The following MUC3A variants were observed in gnomAD, a reference collection of about 807,000 sequenced individuals.
The protein encoded by MUC3A is mucin-3A.
A neutral mutation model predicts 109.0 loss-of-function variants in MUC3A; 109 were observed. The ratio of observed to expected loss-of-function variants is 1.00; its 90% CI spans 0.86 to 1.17. The LOEUF (loss-of-function observed/expected upper bound fraction) is 1.17, where lower values mean the gene tolerates loss of function less well. MUC3A is among the 50% of genes most tolerant of loss of function. The probability of loss-of-function intolerance (pLI) is 0.00; values close to 1 mark genes in which losing one functional copy is unlikely to be tolerated. For synonymous variants in MUC3A, 1,398 were observed against 981.4 expected, an observed-to-expected ratio of 1.42 and a Z score of -7.93; for missense variants, 3,537 against 2,469.4, an observed-to-expected ratio of 1.43 and a Z score of -9.16.
Position 100,952,717 on chromosome 7 carries a change from C to CACCA in MUC3A, c.938_939insACCA (p.Leu314ProfsTer21), listed in dbSNP as rs760420196. On this transcript the variant is annotated frameshift_variant, in exon 2 of 12. Transcript: ENST00000379458. LOFTEE classifies it high-confidence loss of function. The stretch of plus-strand genomic sequence containing the variant: ...ACCAGTGGTATCACAAACACCACCC[C>CACCA]CCTATCCACCTTGGTGACCACACTC... 1 of 1,492,570 alleles carries CACCA rather than the reference C, an allele frequency of 6.7e-7. No homozygotes were observed. The highest frequency in any genetic ancestry group is 2.1e-5 in the Admixed American group (1 of 47,722). The allele number at this position is 1,492,570 out of a possible 1,614,324, so 92.5% of individuals were successfully genotyped here. A position where few individuals can be genotyped will look rare whatever the true frequency, so the allele number is the denominator to read the frequency against.
Position 100,959,498 on chromosome 7 carries a change from A to G in MUC3A, c.7719A>G (p.Ile2573Met), listed in dbSNP as rs1281788924. The change falls in exon 2 of 12, where the codon ATA becomes ATG. Residue 2573 changes from isoleucine to methionine, a missense_variant. Transcript: ENST00000379458. ...CCTTTAGCACAAGTATTGTTGTTAT[A>G]CCTGAAACCCCAACACAGACCCCTC... ...ISSFSTSIVV[I>M]PETPTQTPPV... is the part of the protein sequence containing the mutation. 1.5e-5 allele frequency: 24 copies of G among 1,585,528 alleles called. No individual in the cohort carries two copies. The highest frequency in any genetic ancestry group is 2.2e-5 in the East Asian group (1 of 44,872).
rs1406030780 is a variant in MUC3A at position 100,957,127 on chromosome 7, G to A, written c.5348G>A (p.Gly1783Glu). The part of the protein sequence containing the change: ...VTSMTTTTPL[G>E]PTATNTLPSF... ...TCGATGACAACTACCACCCCTCTAG[G>A]GCCCACAGCCACTAATACGTTACCA... is the stretch of plus-strand genomic sequence containing the variant. Residue 1783 changes from glycine to glutamate, a missense_variant, in exon 2 of 12, where the codon GGG becomes GAG. Coordinates refer to ENST00000379458, the MANE Select transcript of MUC3A (RefSeq NM_005960.2). 2 of 434 alleles carry A rather than the reference G, an allele frequency of 4.6e-3. No individual in the cohort carries two copies. Among genetic ancestry groups the A allele is most frequent in the Non-Finnish European group, 6.5e-3 (2 of 310 alleles). The allele number at this position is 434 out of a possible 1,614,324, so 0.0% of individuals were successfully genotyped here. A position where few individuals can be genotyped will look rare whatever the true frequency, so the allele number is the denominator to read the frequency against.
chr7:100,959,159 C>T lies in MUC3A; in HGVS notation c.7380C>T (p.Thr2460=). 2.5e-6 allele frequency: 4 copies of T among 1,597,588 alleles called. No homozygotes were observed. The highest frequency in any genetic ancestry group is 3.4e-6 in the Non-Finnish European group (4 of 1,179,564). ...STVSTSTTAI[T]SHFTTSETAV... ...TCAGCACATCCACAACTGCCATCACCTCACATTTTACTACCTCAGAGACTG... is the reference window on the plus strand; with the variant it reads ...TCAGCACATCCACAACTGCCATCACTTCACATTTTACTACCTCAGAGACTG... The change falls in exon 2 of 12, where the codon ACC becomes ACT. Residue 2460 remains threonine, a synonymous_variant. Transcript: ENST00000379458.
chr7:100,955,769 C>A lies in MUC3A; in HGVS notation c.3990C>A (p.Phe1330Leu). Reference protein sequence around the residue: ...SALAPTTTTSFTTSPTMEPPS... With the variant: ...SALAPTTTTSLTTSPTMEPPS... Reference sequence around the variant, plus strand: ...TGGCACCCACTACCACCACCTCATTCACCACATCCCCAACGATGGAACCAC... The same window carrying A: ...TGGCACCCACTACCACCACCTCATTAACCACATCCCCAACGATGGAACCAC... The change falls in exon 2 of 12, where the codon TTC (phenylalanine) becomes TTA (leucine). Residue 1330 changes from phenylalanine to leucine, a missense_variant. Transcript: ENST00000379458. The A allele has an allele frequency of 2.4e-6, 1 of 423,942 alleles. No individual in the cohort carries two copies. The highest frequency in any genetic ancestry group is 3.5e-5 in the East Asian group (1 of 28,420). 26.3% of individuals were successfully genotyped at this position (423,942 alleles called of 1,614,324 possible). A position where few individuals can be genotyped will look rare whatever the true frequency, so the allele number is the denominator to read the frequency against.
At chr7:100,950,303 C>A (rs748639593) in intron 1 of MUC3A, among the ~76,000 whole-genome samples, 2 of 152,308 alleles carry the variant, frequency 1.3e-5, no homozygotes, top group Non-Finnish European at 2.9e-5. Context: ...TCCAAGGGTG[C>A]GTCTGAGACT....
rs565446903 is a variant in MUC3A at position 100,958,771 on chromosome 7, C to G, written c.6992C>G (p.Thr2331Ser). The change falls in exon 2 of 12, where the codon ACC becomes AGC. Residue 2331 changes from threonine to serine, a missense_variant. Physicochemically the swap from Thr to Ser is moderately conservative, Grantham distance 58. Coordinates refer to ENST00000379458, the MANE Select transcript of MUC3A (RefSeq NM_005960.2). ...AHSFTSSITT[T>S]ETTSHNTRSF... Reference sequence around the variant, plus strand: ...AGCTTCACTTCTTCGATCACCACCACCGAGACCACCTCACACAATACTCGC... The same window carrying G: ...AGCTTCACTTCTTCGATCACCACCAGCGAGACCACCTCACACAATACTCGC... 1 of 1,478,212 alleles carries G rather than the reference C, an allele frequency of 6.8e-7. No individual in the cohort carries two copies. The highest frequency in any genetic ancestry group is 9.1e-7 in the Non-Finnish European group (1 of 1,102,928). The allele number at this position is 1,478,212 out of a possible 1,614,324, so 91.6% of individuals were successfully genotyped here. A position where few individuals can be genotyped will look rare whatever the true frequency, so the allele number is the denominator to read the frequency against.
chr7:100,962,424 A>T (rs1314402288), intron 3 of MUC3A, among the ~76,000 whole-genome samples: 1 of 145,332 alleles, frequency 6.9e-6, no homozygotes, highest in African/African-American at 2.9e-5. Flanking sequence ...TCTCAACAAT[A>T]AAAAAAAGTT....
rs553559317 is a variant in MUC3A, at chr7:100,958,824, G to C, written c.7045G>C (p.Glu2349Gln). 1 of 1,393,636 alleles carries C rather than the reference G, an allele frequency of 7.2e-7. No homozygotes were observed. Among genetic ancestry groups the C allele is most frequent in the Non-Finnish European group, 9.3e-7 (1 of 1,070,590 alleles). 86.3% of individuals were successfully genotyped at this position (1,393,636 alleles called of 1,614,324 possible). The change falls in exon 2 of 12, where the codon GAG (glutamate) becomes CAG (glutamine). Residue 2349 changes from glutamate to glutamine, a missense_variant. Coordinates refer to ENST00000379458, the MANE Select transcript of MUC3A (RefSeq NM_005960.2). ...CTTCACTTCTTCGATCACCACCACCGAGACCAACTCTCACAGTACTACCAG... is the reference window on the plus strand; with the variant it reads ...CTTCACTTCTTCGATCACCACCACCCAGACCAACTCTCACAGTACTACCAG... ...RSFTSSITTT[E>Q]TNSHSTTSFT...
At position 100,958,689 on chromosome 7, in the gene MUC3A, A is replaced by C. The variant is rs750477060; in HGVS notation, c.6910A>C (p.Thr2304Pro). The change falls in exon 2 of 12, where the codon ACT becomes CCT. Residue 2304 changes from threonine to proline, a missense_variant. By Grantham distance (38) the Thr-to-Pro change is conservative. Transcript: ENST00000379458. ...CACCACCAAGACCACCTCACACAGT[A>C]CTCCCAGCTTCACTTCTTCGATCAC... ...ITTTKTTSHS[T>P]PSFTSSITTT... The C allele has an allele frequency of 5.3e-6, 7 of 1,330,626 alleles. No individual in the cohort carries two copies. The highest frequency in any genetic ancestry group is 3.2e-5 in the African/African-American group (1 of 31,032). 82.4% of individuals were successfully genotyped at this position (1,330,626 alleles called of 1,614,324 possible). A position where few individuals can be genotyped will look rare whatever the true frequency, so the allele number is the denominator to read the frequency against.
Position 100,957,054 on chromosome 7 carries a change from T to C in MUC3A, c.5275T>C (p.Ser1759Pro). The C allele has an allele frequency of 4.3e-6, 2 of 465,404 alleles. No individual in the cohort carries two copies. The highest frequency in any genetic ancestry group is 7.6e-6 in the Non-Finnish European group (2 of 264,630). The allele number at this position is 465,404 out of a possible 1,614,324, so 28.8% of individuals were successfully genotyped here. A position where few individuals can be genotyped will look rare whatever the true frequency, so the allele number is the denominator to read the frequency against. The stretch of plus-strand genomic sequence containing the variant: ...AGGATCTTTCAAAACAGCCGTGAGT[T>C]CTACTCCCCCCATCACTTCTTCAAT... Reference protein sequence around the residue: ...STGSFKTAVSSTPPITSSITS... With the variant: ...STGSFKTAVSPTPPITSSITS... The change falls in exon 2 of 12, where the codon TCT (serine) becomes CCT (proline). Residue 1759 changes from serine to proline, a missense_variant. Ser to Pro is a moderately conservative substitution (Grantham distance 74). Transcript: ENST00000379458.
Position 100,957,066 on chromosome 7 carries a change from A to G in MUC3A, c.5287A>G (p.Ile1763Val), listed in dbSNP as rs1792116299. 4.3e-6 allele frequency: 2 copies of G among 469,742 alleles called. No individual in the cohort carries two copies. The highest frequency in any genetic ancestry group is 3.7e-6 in the Non-Finnish European group (1 of 267,188). The allele number at this position is 469,742 out of a possible 1,614,324, so 29.1% of individuals were successfully genotyped here. ...AACAGCCGTGAGTTCTACTCCCCCC[A>G]TCACTTCTTCAATCACCTCCACATA... is the stretch of plus-strand genomic sequence containing the variant. ...FKTAVSSTPP[I>V]TSSITSTYTV... The change falls in exon 2 of 12, where the codon ATC becomes GTC. Residue 1763 changes from isoleucine to valine, a missense_variant. Physicochemically the swap from Ile to Val is conservative, Grantham distance 29 (BLOSUM62 3). Transcript: ENST00000379458.
chr7:100,964,279 A>AAATAAT, intron 5 of MUC3A: 3 of 153,172 alleles, frequency 2.0e-5, no homozygotes, highest in Non-Finnish European at 4.2e-5. Context: ...ACAACAGTAA[A>AAATAAT]AATAGTAATA....
chr7:100,960,885 C>A lies in MUC3A; in HGVS notation c.9000C>A (p.Pro3000=). ...GQWDGLKCQC[P]STFYGSSCEF... The stretch of plus-strand genomic sequence containing the variant: ...GGGATGGCCTCAAATGCCAGTGCCC[C>A]AGCACCTTCTATGGTTCCAGTTGTG... The change falls in exon 3 of 12, where the codon CCC becomes CCA. Residue 3000 remains proline (P), a synonymous_variant. Coordinates refer to ENST00000379458, the MANE Select transcript of MUC3A (RefSeq NM_005960.2). 6.3e-7 allele frequency: 1 copy of A among 1,598,546 alleles called. No individual in the cohort carries two copies. The highest frequency in any genetic ancestry group is 1.1e-5 in the South Asian group (1 of 91,092).
At chr7:100,963,803 G>A in intron 5 of MUC3A, 51 bp downstream of exon 5, 1 of 1,596,638 alleles carries the variant, frequency 6.3e-7, no homozygotes, top group African/African-American at 1.3e-5. Context: ...GGGGAAATGT[G>A]CGCACACAAA....
At chr7:100,949,741 G>A in intron 1 of MUC3A, 56 bp downstream of exon 1, 2 of 1,444,116 alleles carry the variant, frequency 1.4e-6, no homozygotes, top group South Asian at 1.4e-5. Flanking sequence ...GATGTTCCAG[G>A]AAAGGGGAGG....
rs369096420 is a variant in MUC3A, at chr7:100,964,807, G to T, written c.9346G>T (p.Ala3116Ser). The T allele has an allele frequency of 3.1e-6, 5 of 1,598,108 alleles. No individual in the cohort carries two copies. The highest frequency in any genetic ancestry group is 1.3e-5 in the African/African-American group (1 of 74,956). Residue 3116 changes from alanine (A) to serine (S), a missense_variant, in exon 6 of 12, where the codon GCC becomes TCC. By Grantham distance (99) the Ala-to-Ser change is moderately conservative (BLOSUM62 1). Transcript: ENST00000379458. ...CACGCTGAAGGAGGGGCTGCAGAAC[G>T]CCAGCCAGGATGTGAACAGCTGCCA... ...KTTLKEGLQN[A>S]SQDVNSCQDS...
rs977511875 is a variant in MUC3A, at chr7:100,959,090, A to T, written c.7311A>T (p.Ser2437=). 1 of 1,595,394 alleles carries T rather than the reference A, an allele frequency of 6.3e-7. No individual in the cohort carries two copies. Among genetic ancestry groups the T allele is most frequent in the Non-Finnish European group, 8.5e-7 (1 of 1,177,858 alleles). ...CAATCACCACCACTGAGACCACCTCAGAGAGTACTCCCAGCCTCAGTTCTT... is the reference window on the plus strand; with the variant it reads ...CAATCACCACCACTGAGACCACCTCTGAGAGTACTCCCAGCCTCAGTTCTT... ...TSSITTTETT[S]ESTPSLSSST... Residue 2437 remains serine, a synonymous_variant, in exon 2 of 12, where the codon TCA becomes TCT. Transcript: ENST00000379458.
chr7:100,963,152 T>G lies in MUC3A; in HGVS notation c.9054T>G (p.Asp3018Glu). 1 of 1,598,206 alleles carries G rather than the reference T, an allele frequency of 6.3e-7. No individual in the cohort carries two copies. The highest frequency in any genetic ancestry group is 1.1e-5 in the South Asian group (1 of 90,924). The change falls in exon 4 of 12, where the codon GAT (aspartate) becomes GAG (glutamate). Residue 3018 changes from aspartate to glutamate, a missense_variant and splice_region_variant. Transcript: ENST00000379458. ...CEFAVEQVDL[D>E]VVETEVGMEV... ...TGGGGACATGCATGCTCTGTGTAGA[T>G]GTAGTGGAGACCGAGGTGGGCATGG...
intron 6 of MUC3A, 95 bp from the exon 7 acceptor site, chr7:100,965,187 C>A (rs1792486441): frequency 1.3e-6 from 2 of 1,538,926 alleles, no homozygotes; most frequent in Admixed American, 3.8e-5. Flanking sequence ...GCCCTCACTG[C>A]CCTCCCTGTG....
Sources: gnomAD v4.1 joint callset for allele counts (sites outside exome capture counted in the v4.1 genomes callset) on GRCh38, gnomAD v4.1.1 for gene constraint, MANE v1.5 for transcripts, NCBI Gene and HGNC (gene_info 2026-07-23, HGNC 2026-07-21) for gene names.